TMEM260: variants seen among roughly 807,000 people sequenced by gnomAD.
TMEM260 encodes protein O-mannosyl-transferase TMEM260.
Under a neutral mutation model 88.9 loss-of-function variants are expected in TMEM260, and 82 were observed. That is an observed-to-expected ratio of 0.92 (90% CI 0.77 to 1.11). The LOEUF is 1.11. Among genes scored for constraint, TMEM260 ranks in the 50% least tolerant of loss-of-function variants. TMEM260 has a pLI of 0.00. For missense variants in TMEM260, 902 were observed against 853.4 expected (o/e 1.06, Z -0.71); for synonymous variants, 314 against 309.3 (o/e 1.02, Z -0.16).
At chr14:56,628,449 T>C (rs1487420249) in intron 12 of TMEM260, among the ~76,000 whole-genome samples, 1 of 152,218 alleles carries the variant, frequency 6.6e-6, no homozygotes, top group East Asian at 1.9e-4. Context: ...ATATTTTTGG[T>C]ATCATATCTA....
At chr14:56,633,204 A>G (rs776329971) in intron 13 of TMEM260, 33 bp downstream of exon 13, 1 of 1,536,876 alleles carries the variant, frequency 6.5e-7, no homozygotes, top group South Asian at 1.2e-5. Flanking sequence ...GATGCATATA[A>G]ACATAGCAGT....
In TMEM260 at chr14:56,614,219, T is replaced by TAA. The variant is rs397852138; in HGVS notation, c.858-1708_858-1707dup. ...CTAACACAACCGGCCTACAAAACAT[T>TAA]AAAAAAAAAAAAAAAAAAGGCATGG... On this transcript the variant is annotated intron_variant, in intron 7 of 15. Transcript: ENST00000261556. Among the ~76,000 whole-genome samples the TAA allele has an allele frequency of 5.2e-3, 585 of 111,534 alleles. 4 individuals are homozygous for TAA. The highest frequency in any genetic ancestry group is 9.0e-3 in the African/African-American group (247 of 27,430). 73.2% of individuals were successfully genotyped at this position (111,534 alleles called of 152,430 possible).
intron 3 of TMEM260, among the ~76,000 whole-genome samples, chr14:56,592,731 C>A (rs976745873): frequency 6.6e-6 from 1 of 152,190 alleles, no homozygotes; most frequent in African/African-American, 2.4e-5. Context: ...TTAGTAGTCA[C>A]TATGAATTGA....
In TMEM260 at chr14:56,596,795, A is replaced by AAAAAATG. The variant is rs1555334865; in HGVS notation, c.345-7020_345-7019insAAAAATG. On this transcript the variant is annotated intron_variant, in intron 3 of 15. Transcript: ENST00000261556. Reference sequence around the variant, plus strand: ...AAAAAAAAAAAAATTAAAAAAAAAAATATATATATATACACACACACACCA... The same window carrying AAAAAATG: ...AAAAAAAAAAAAATTAAAAAAAAAAAAAAAATGTATATATATATACACACACACACCA... 2.0e-3 allele frequency among the ~76,000 whole-genome samples: 210 copies of AAAAAATG among 106,292 alleles called. 2 individuals carry two copies. The Middle Eastern group carries it at 0.025, about 13-fold the overall frequency. 69.7% of individuals were successfully genotyped at this position (106,292 alleles called of 152,430 possible).
intron 12 of TMEM260, among the ~76,000 whole-genome samples, chr14:56,630,440 T>TC (rs1236155441): frequency 1.3e-5 from 2 of 152,150 alleles, no homozygotes; most frequent in African/African-American, 4.8e-5. Context: ...TGCTTTTTTT[T>TC]CAGTGTTTTT....
chr14:56,654,042 TA>T (rs1890257337), downstream of TMEM260, among the ~76,000 whole-genome samples: 1 of 152,208 alleles, frequency 6.6e-6, no homozygotes, highest in South Asian at 2.1e-4. Flanking sequence ...TAAACTTGTC[TA>T]GGGGTAAATG....
chr14:56,625,237 C>A, intron 11 of TMEM260, 145 bp from the exon 12 acceptor site: 1 of 725,642 alleles, frequency 1.4e-6, no homozygotes, highest in Non-Finnish European at 2.2e-6. Context: ...ATCAGTACCA[C>A]ATTCTCAGTT....
At chr14:56,654,255 G>A (rs557599123), downstream of TMEM260, among the ~76,000 whole-genome samples, 6 of 152,104 alleles carry the variant, frequency 3.9e-5, no homozygotes, top group East Asian at 1.2e-3. Flanking sequence ...AGTGTGACAA[G>A]AAAAAAGTCA....
In TMEM260 at chr14:56,633,159, A is replaced by T; in HGVS notation, c.1712A>T (p.Glu571Val). 2 of 1,611,576 alleles carry T rather than the reference A, an allele frequency of 1.2e-6. No homozygotes were observed. The highest frequency in any genetic ancestry group is 1.7e-4 in the Middle Eastern group (1 of 6,036). The change falls in exon 13 of 16, where the codon GAA becomes GTA. Residue 571 changes from glutamate (E) to valine (V), a missense_variant. Physicochemically the swap from Glu to Val is moderately radical, Grantham distance 121. Transcript: ENST00000261556. ...KLTKSIYNWT[E>V]EYGRFDPSSW... is the part of the protein sequence containing the mutation. ...ACAAAAAGTATCTATAACTGGACCG[A>T]AGAATATGGAAGGTATGAACAGCAG... is the stretch of plus-strand genomic sequence containing the variant.
chr14:56,603,792 T>G (rs1275790438), intron 3 of TMEM260, 23 bp from the exon 4 acceptor site: 1 of 1,613,396 alleles, frequency 6.2e-7, no homozygotes, highest in East Asian at 2.2e-5. Context: ...GAAAAGAAGA[T>G]TTCATGTTAT....
chr14:56,636,217 C>G (rs1345827109), intron 14 of TMEM260, among the ~76,000 whole-genome samples: 2 of 147,420 alleles, frequency 1.4e-5, no homozygotes, highest in Non-Finnish European at 3.0e-5. Flanking sequence ...TTCCTGGCTT[C>G]TCTTGCATAA....
chr14:56,586,605 T>C (rs1885520482), intron 3 of TMEM260, among the ~76,000 whole-genome samples: 1 of 152,156 alleles, frequency 6.6e-6, no homozygotes, highest in South Asian at 2.1e-4. Flanking sequence ...AGGATTATAG[T>C]GAAAAATACA....
intron 3 of TMEM260, among the ~76,000 whole-genome samples, chr14:56,596,767 CAA>C (rs34224409): frequency 2.2e-5 from 2 of 91,952 alleles, no homozygotes; most frequent in Non-Finnish European, 2.1e-5. Context: ...GTCTCTGTCT[CAA>C]AAAAAAAAAA....
chr14:56,624,283 T>C (rs1312929671), intron 11 of TMEM260, among the ~76,000 whole-genome samples: 3 of 152,148 alleles, frequency 2.0e-5, no homozygotes, highest in Non-Finnish European at 4.4e-5. Context: ...CAAACATGAT[T>C]TGAGAACTGG....
At chr14:56,637,748 T>G (rs1304425673) in intron 15 of TMEM260, among the ~76,000 whole-genome samples, 1 of 152,206 alleles carries the variant, frequency 6.6e-6, no homozygotes, top group African/African-American at 2.4e-5. Flanking sequence ...TACTCCTCAA[T>G]TGTGATCTCT....
Position 56,617,279 on chromosome 14 carries a change from A to G in TMEM260, c.1038A>G (p.Lys346=). The part of the protein sequence containing the change: ...FAWRANLDIS[K]PLFMGVVERF... ...GGAGAGCAAATTTAGATATTTCAAAACCACTTTTCATGGGTGTGGTAAGTT... is the reference window on the plus strand; with the variant it reads ...GGAGAGCAAATTTAGATATTTCAAAGCCACTTTTCATGGGTGTGGTAAGTT... Residue 346 remains lysine (K), a synonymous_variant, in exon 9 of 16, where the codon AAA becomes AAG. Coordinates refer to ENST00000261556, the MANE Select transcript of TMEM260 (RefSeq NM_017799.4). The G allele has an allele frequency of 1.3e-6, 2 of 1,596,362 alleles. No homozygotes were observed. The highest frequency in any genetic ancestry group is 2.3e-5 in the South Asian group (2 of 87,440).
At position 56,618,304 on chromosome 14, in the gene TMEM260, C is replaced by G. The variant is rs117280071; in HGVS notation, c.1057-290C>G. ...TCAGGAGTAAAGCAAAAGCATTTCT[C>G]TAACTCCTTCAGCCTGTATATTACT... On this transcript the variant is annotated intron_variant, in intron 9 of 15. Coordinates refer to ENST00000261556, the MANE Select transcript of TMEM260 (RefSeq NM_017799.4). Among the ~76,000 whole-genome samples, 71 of 152,312 alleles carry G rather than the reference C, an allele frequency of 4.7e-4. No homozygotes were observed. The East Asian group carries it at 8.9e-3, about 19-fold the overall frequency.
chr14:56,594,271 G>A (rs1317938317), intron 3 of TMEM260, among the ~76,000 whole-genome samples: 1 of 151,458 alleles, frequency 6.6e-6, no homozygotes, highest in African/African-American at 2.4e-5. Context: ...AACTATTAGC[G>A]ATATATCTGT....
rs1157823083 is a variant in TMEM260 at position 56,649,048 on chromosome 14, G to C, written c.*1551G>C. On this transcript the variant is annotated 3_prime_UTR_variant, in exon 16 of 16. Transcript: ENST00000261556. Reference sequence around the variant, plus strand: ...TGCCCCTCCATTCTCTGGATTTGAAGATGTCCATTGGAGCCTGCAGTGCCT... The same window carrying C: ...TGCCCCTCCATTCTCTGGATTTGAACATGTCCATTGGAGCCTGCAGTGCCT... 6.5e-6 allele frequency: 1 copy of C among 152,714 alleles called. No individual in the cohort carries two copies. Among genetic ancestry groups the C allele is most frequent in the African/African-American group, 2.4e-5 (1 of 41,452 alleles). The allele number at this position is 152,714 out of a possible 1,614,324, so 9.5% of individuals were successfully genotyped here.
Sources: allele counts gnomAD v4.1 joint callset (sites outside exome capture counted in the v4.1 genomes callset), GRCh38; gene constraint gnomAD v4.1.1; transcripts MANE v1.5; gene names NCBI Gene and HGNC (gene_info 2026-07-23, HGNC 2026-07-21).